TMEM54: variants seen among roughly 807,000 people sequenced by gnomAD.
TMEM54 encodes the protein transmembrane protein 54, also known as beta-casein-like protein.
A neutral mutation model predicts 21.3 loss-of-function variants in TMEM54; 21 were observed. That is an observed-to-expected ratio of 0.99 (90% confidence interval 0.70 to 1.42). TMEM54 has a LOEUF of 1.42. TMEM54 is among the 40% of genes most tolerant of loss of function. The pLI is 0.00. For missense variants in TMEM54, 246 were observed against 294.0 expected (o/e 0.84, Z 1.19); for synonymous variants, 109 against 125.0 (o/e 0.87, Z 0.86).
intron 1 of TMEM54, among the ~76,000 whole-genome samples, chr1:32,900,485 T>G (rs1641700198): frequency 9.5e-6 from 1 of 104,816 alleles, no homozygotes; most frequent in East Asian, 4.0e-4. Flanking sequence ...CCTCCCAGAG[T>G]GCTGCCTCCC....
chr1:32,899,391 G>GA lies in TMEM54; in HGVS notation c.17-1073dup, dbSNP rs11284140. Among the ~76,000 whole-genome samples, 162 of 122,972 alleles carry GA rather than the reference G, an allele frequency of 1.3e-3. 1 individual carries two copies. Among genetic ancestry groups the GA allele is most frequent in the African/African-American group, 1.6e-3 (52 of 32,802 alleles). The allele number at this position is 122,972 out of a possible 152,430, so 80.7% of individuals were successfully genotyped here. ...TTTAATATACGGTAGCTCTGCAGCT[G>GA]AAAAAAAAAAAAAAAAAGAAAAAAA... On this transcript the variant is annotated intron_variant, in intron 1 of 5. Transcript: ENST00000373463.
Position 32,898,227 on chromosome 1 carries a change from G to C in TMEM54, c.109C>G (p.Leu37Val). The change falls in exon 2 of 6, where the codon CTG becomes GTG. Residue 37 changes from leucine to valine, a missense_variant. Leu to Val is a conservative substitution (Grantham distance 32, BLOSUM62 1). Transcript: ENST00000373463. ...LGHVSFITAA[L>V]FHGTVLRYVG... Reference sequence around the variant, plus strand: ...TAGCGCAGCACTGTGCCATGGAACAGGGCAGCTGTGATGAAGCTCACATGG... The same window carrying C: ...TAGCGCAGCACTGTGCCATGGAACACGGCAGCTGTGATGAAGCTCACATGG... 6.2e-7 allele frequency: 1 copy of C among 1,613,672 alleles called. No individual in the cohort carries two copies. The highest frequency in any genetic ancestry group is 8.5e-7 in the Non-Finnish European group (1 of 1,179,638).
rs1182671732 is a variant in TMEM54 at position 32,901,381 on chromosome 1, G to C, written c.-143C>G. 1.2e-6 allele frequency: 1 copy of C among 806,442 alleles called. No individual in the cohort carries two copies. The highest frequency in any genetic ancestry group is 5.2e-5 in the Admixed American group (1 of 19,364). The allele number at this position is 806,442 out of a possible 1,614,324, so 50.0% of individuals were successfully genotyped here. ...TCGCCCACTTCCCGCCCGGAGCCCG[G>C]GGCTGGGCGGCGCCGGACCGGCCTC... On this transcript the variant is annotated 5_prime_UTR_variant, in exon 1 of 6. Transcript: ENST00000373463. This position sits in a 1 kb window ranked among gnomAD's most constrained non-coding sequence, Gnocchi z 4.2.
chr1:32,895,446 G>A lies in TMEM54; in HGVS notation c.460-7C>T, dbSNP rs1462099774. 6.2e-7 allele frequency: 1 copy of A among 1,608,448 alleles called. No homozygotes were observed. Among genetic ancestry groups the A allele is most frequent in the Non-Finnish European group, 8.5e-7 (1 of 1,176,014 alleles). On this transcript the variant is annotated splice_region_variant and splice_polypyrimidine_tract_variant and intron_variant, in intron 4 of 5. Transcript: ENST00000373463. This position sits in a 1 kb window ranked among gnomAD's most constrained non-coding sequence, Gnocchi z 5.8. ...AGAGGCACAGGCTGGAGCTCTGCGG[G>A]GCATGGGGCAGAGATGGCTGGCTGG...
At position 32,894,726 on chromosome 1, in the gene TMEM54, C is replaced by T; in HGVS notation, c.*79G>A. Reference sequence around the variant, plus strand: ...CCATTGAGCCCTCTCAGGCCAGCTCCAGGAATCCTGGCCTGGTCACAGAGC... The same window carrying T: ...CCATTGAGCCCTCTCAGGCCAGCTCTAGGAATCCTGGCCTGGTCACAGAGC... On this transcript the variant is annotated 3_prime_UTR_variant, in exon 6 of 6. Transcript: ENST00000373463. The T allele has an allele frequency of 6.4e-7, 1 of 1,564,080 alleles. No individual in the cohort carries two copies. The highest frequency in any genetic ancestry group is 1.7e-5 in the Admixed American group (1 of 57,616).
At chr1:32,894,989 A>G in intron 5 of TMEM54, 110 bp from the exon 6 acceptor site, 1 of 1,504,938 alleles carries the variant, frequency 6.6e-7, no homozygotes, top group Admixed American at 2.0e-5. Flanking sequence ...CTCTGGGGGC[A>G]AAGGGGCATC....
rs369617183 is a variant in TMEM54 at position 32,895,852 on chromosome 1, C to T, written c.270+58G>A. On this transcript the variant is annotated intron_variant, in intron 3 of 5. Transcript: ENST00000373463. This position sits in a 1 kb window ranked among gnomAD's most constrained non-coding sequence, Gnocchi z 5.8. The stretch of plus-strand genomic sequence containing the variant: ...CTCTCCAAGGAGGCCAGGCCCTTGG[C>T]GGGTGGCTGCTGCCCCTACCCTTCC... The T allele has an allele frequency of 1.3e-5, 21 of 1,583,924 alleles. No individual in the cohort carries two copies. Among genetic ancestry groups the T allele is most frequent in the East Asian group, 6.8e-5 (3 of 44,358 alleles).
At position 32,895,655 on chromosome 1, in the gene TMEM54, A is replaced by G. The variant is rs1329728888; in HGVS notation, c.359T>C (p.Phe120Ser). 9.6e-6 allele frequency: 15 copies of G among 1,564,414 alleles called. No individual in the cohort carries two copies. Among genetic ancestry groups the G allele is most frequent in the South Asian group, 2.4e-5 (2 of 85,012 alleles). Residue 120 changes from phenylalanine to serine, a missense_variant, in exon 4 of 6, where the codon TTT (phenylalanine) becomes TCT (serine). Transcript: ENST00000373463. The surrounding 1 kb of genome is among the most constrained non-coding windows in gnomAD (Gnocchi z 5.8). ...CAGCAGTGCCTTGCCCTGGGTGGCA[A>G]AGGTCATGGCGATGGAGGCCAAGAG... Reference protein sequence around the residue: ...LGLLASIAMTFATQGKALLAA... With the variant: ...LGLLASIAMTSATQGKALLAA...
chr1:32,895,022 C>G lies in TMEM54; in HGVS notation c.595-143G>C. On this transcript the variant is annotated intron_variant, in intron 5 of 5. Coordinates refer to ENST00000373463, the MANE Select transcript of TMEM54 (RefSeq NM_033504.4). This position sits in a 1 kb window ranked among gnomAD's most constrained non-coding sequence, Gnocchi z 5.8. The stretch of plus-strand genomic sequence containing the variant: ...ATCACTACCCACTCCACTGCAAGAG[C>G]CAGGCCTGACCTTTGCAATGCCCTC... The G allele has an allele frequency of 6.9e-7, 1 of 1,449,372 alleles. No homozygotes were observed. The highest frequency in any genetic ancestry group is 9.2e-7 in the Non-Finnish European group (1 of 1,090,340). 89.8% of individuals were successfully genotyped at this position (1,449,372 alleles called of 1,614,324 possible).
chr1:32,894,942 C>T, intron 5 of TMEM54, 63 bp from the exon 6 acceptor site: 1 of 1,582,720 alleles, frequency 6.3e-7, no homozygotes, highest in African/African-American at 1.3e-5. Context: ...TCCTCCAGGA[C>T]ATCCGGGAAA....
intron 1 of TMEM54, among the ~76,000 whole-genome samples, chr1:32,900,028 G>A (rs1391162393): frequency 6.6e-6 from 1 of 152,174 alleles, no homozygotes; most frequent in African/African-American, 2.4e-5. Context: ...TGCCAGCCAA[G>A]CAGGAAGGGG....
rs2124060434 is a variant in TMEM54 at position 32,901,148 on chromosome 1, T to C, written c.16+75A>G. 1 of 1,359,500 alleles carries C rather than the reference T, an allele frequency of 7.4e-7. No homozygotes were observed. The highest frequency in any genetic ancestry group is 9.6e-7 in the Non-Finnish European group (1 of 1,040,306). The allele number at this position is 1,359,500 out of a possible 1,614,324, so 84.2% of individuals were successfully genotyped here. ...TGGCCTGGCCCCCTGGGGGCTCGGG[T>C]TCCGGGCTCAGTGCTCCGCTCCTGT... On this transcript the variant is annotated intron_variant, in intron 1 of 5. Coordinates refer to ENST00000373463, the MANE Select transcript of TMEM54 (RefSeq NM_033504.4). The surrounding 1 kb of genome is among the most constrained non-coding windows in gnomAD (Gnocchi z 4.2).
chr1:32,901,216 C>T lies in TMEM54; in HGVS notation c.16+7G>A, dbSNP rs746021196. ...TCGGGGCCTCCCGCGCGCCCCCAGT[C>T]GCTCACCGAGGCGCAGACACATGTC... On this transcript the variant is annotated splice_region_variant and intron_variant, in intron 1 of 5. Coordinates refer to ENST00000373463, the MANE Select transcript of TMEM54 (RefSeq NM_033504.4). The surrounding 1 kb of genome is among the most constrained non-coding windows in gnomAD (Gnocchi z 4.2). The T allele has an allele frequency of 1.3e-6, 2 of 1,489,372 alleles. No individual in the cohort carries two copies. The highest frequency in any genetic ancestry group is 1.9e-5 in the Admixed American group (1 of 52,928). 92.3% of individuals were successfully genotyped at this position (1,489,372 alleles called of 1,614,324 possible).
intron 1 of TMEM54, among the ~76,000 whole-genome samples, chr1:32,898,780 G>A (rs569913634): frequency 7.8e-4 from 119 of 152,268 alleles, no homozygotes; most frequent in African/African-American, 2.7e-3. Flanking sequence ...GCAGGAATTG[G>A]GCCCTGCTTG....
Position 32,895,010 on chromosome 1 carries a change from C to G in TMEM54, c.595-131G>C. The G allele has an allele frequency of 6.8e-7, 1 of 1,472,440 alleles. No homozygotes were observed. The highest frequency in any genetic ancestry group is 9.1e-7 in the Non-Finnish European group (1 of 1,103,110). 91.2% of individuals were successfully genotyped at this position (1,472,440 alleles called of 1,614,324 possible). A position where few individuals can be genotyped will look rare whatever the true frequency, so the allele number is the denominator to read the frequency against. ...GGGCAAAGGGGCATCACTACCCACT[C>G]CACTGCAAGAGCCAGGCCTGACCTT... On this transcript the variant is annotated intron_variant, in intron 5 of 5. Coordinates refer to ENST00000373463, the MANE Select transcript of TMEM54 (RefSeq NM_033504.4). This position sits in a 1 kb window ranked among gnomAD's most constrained non-coding sequence, Gnocchi z 5.8.
At position 32,898,159 on chromosome 1, in the gene TMEM54, C is replaced by T; in HGVS notation, c.177G>A (p.Val59=). ...PQDAVALQYC[V]VNILSVTSAI... is the part of the protein sequence containing the mutation. The stretch of plus-strand genomic sequence containing the variant: ...CGGAAGTGACAGAGAGGATGTTGAC[C>T]ACGCAGTACTGCAGAGCCACCGCAT... The change falls in exon 2 of 6, where the codon GTG becomes GTA. Residue 59 remains valine, a synonymous_variant. Transcript: ENST00000373463. The T allele has an allele frequency of 6.2e-7, 1 of 1,601,986 alleles. No homozygotes were observed. Among genetic ancestry groups the T allele is most frequent in the Non-Finnish European group, 8.5e-7 (1 of 1,169,848 alleles).
In TMEM54 at chr1:32,896,153, C is replaced by T; in HGVS notation, c.211-184G>A. ...TCTGCCTCCTCATAGTCCAGCCTGA[C>T]ATGATGTTTCTAAAACAGTCACTCC... On this transcript the variant is annotated intron_variant, in intron 2 of 5. Transcript: ENST00000373463. The surrounding 1 kb of genome is among the most constrained non-coding windows in gnomAD (Gnocchi z 4.1). 1.7e-6 allele frequency: 1 copy of T among 600,360 alleles called. No individual in the cohort carries two copies. The highest frequency in any genetic ancestry group is 2.9e-6 in the Non-Finnish European group (1 of 348,318). The allele number at this position is 600,360 out of a possible 1,614,324, so 37.2% of individuals were successfully genotyped here. A position where few individuals can be genotyped will look rare whatever the true frequency, so the allele number is the denominator to read the frequency against.
chr1:32,901,384 C>G lies in TMEM54; in HGVS notation c.-146G>C, dbSNP rs1641726812. 3 of 779,156 alleles carry G rather than the reference C, an allele frequency of 3.9e-6. No individual in the cohort carries two copies. Among genetic ancestry groups the G allele is most frequent in the Non-Finnish European group, 4.9e-6 (3 of 609,588 alleles). The allele number at this position is 779,156 out of a possible 1,614,324, so 48.3% of individuals were successfully genotyped here. A position where few individuals can be genotyped will look rare whatever the true frequency, so the allele number is the denominator to read the frequency against. ...CCCACTTCCCGCCCGGAGCCCGGGG[C>G]TGGGCGGCGCCGGACCGGCCTCCCT... is the stretch of plus-strand genomic sequence containing the variant. On this transcript the variant is annotated 5_prime_UTR_variant, in exon 1 of 6. Coordinates refer to ENST00000373463, the MANE Select transcript of TMEM54 (RefSeq NM_033504.4). This position sits in a 1 kb window ranked among gnomAD's most constrained non-coding sequence, Gnocchi z 4.2.
chr1:32,899,373 T>TATTA (rs1641673226), intron 1 of TMEM54, among the ~76,000 whole-genome samples: 1 of 138,112 alleles, frequency 7.2e-6, no homozygotes, highest in East Asian at 2.1e-4. Flanking sequence ...ATATTTAATA[T>TATTA]ACGGTAGCTC....
Sources: gnomAD v4.1 joint callset for allele counts (sites outside exome capture counted in the v4.1 genomes callset) on GRCh38, gnomAD v4.1.1 for gene constraint, Gnocchi (gnomAD v3.1) non-coding constraint, MANE v1.5 for transcripts, NCBI Gene and HGNC (gene_info 2026-07-23, HGNC 2026-07-21) for gene names.